The following PPP1R12A variants were observed in gnomAD, a reference collection of about 807,000 sequenced individuals.
PPP1R12A encodes myosin binding subunit.
Under a neutral mutation model 139.6 loss-of-function variants are expected in PPP1R12A, and 19 were observed. The observed-to-expected ratio is 0.14, with a 90% CI of 0.09 to 0.20. The LOEUF is 0.20. Among genes scored for constraint, PPP1R12A ranks in the 10% least tolerant of loss-of-function variants. The probability of loss-of-function intolerance (pLI) is 1.00; values close to 1 mark genes in which losing one functional copy is unlikely to be tolerated. For missense variants in PPP1R12A, 925 were observed against 1,211.5 expected (o/e 0.76, Z 3.51); for synonymous variants, 427 against 420.6 (o/e 1.02, Z -0.19).
intron 2 of PPP1R12A, among the ~76,000 whole-genome samples, chr12:79,857,727 AT>A (rs1212873557): frequency 6.6e-6 from 1 of 152,168 alleles, no homozygotes; most frequent in Non-Finnish European, 1.5e-5. Flanking sequence ...ATTAGAGTTA[AT>A]TGACTTCACA....
chr12:79,874,424 G>A (rs1434049218), intron 1 of PPP1R12A, among the ~76,000 whole-genome samples: 1 of 151,932 alleles, frequency 6.6e-6, no homozygotes, highest in Non-Finnish European at 1.5e-5. Flanking sequence ...TAAATCCTCA[G>A]TTTTAAACTC....
upstream of PPP1R12A, chr12:79,935,274 C>G: frequency 9.2e-7 from 1 of 1,088,160 alleles, no homozygotes; most frequent in Non-Finnish European, 1.1e-6. Flanking sequence ...AGGAAGAGCG[C>G]TCCCGCGAAC....
intron 1 of PPP1R12A, among the ~76,000 whole-genome samples, chr12:79,898,913 A>G (rs1453731716): frequency 6.6e-6 from 1 of 152,188 alleles, no homozygotes; most frequent in South Asian, 2.1e-4. Context: ...TTCCATATAT[A>G]CTATTCCTCT....
At chr12:79,910,248 G>C (rs1479873515) in intron 1 of PPP1R12A, among the ~76,000 whole-genome samples, 1 of 152,014 alleles carries the variant, frequency 6.6e-6, no homozygotes, top group Admixed American at 6.6e-5. Flanking sequence ...AGGAGGATGA[G>C]GTGGGAGGAT....
At chr12:79,914,368 C>G (rs1429577506) in intron 1 of PPP1R12A, among the ~76,000 whole-genome samples, 2 of 151,848 alleles carry the variant, frequency 1.3e-5, no homozygotes, top group Non-Finnish European at 2.9e-5. Flanking sequence ...AGAATATTAA[C>G]ATTGATATAA....
chr12:79,885,486 T>G (rs1884020287), intron 1 of PPP1R12A, among the ~76,000 whole-genome samples: 1 of 152,158 alleles, frequency 6.6e-6, no homozygotes, highest in Non-Finnish European at 1.5e-5. Flanking sequence ...AATATTCCTT[T>G]TAGTGCCACT....
chr12:79,832,162 G>C (rs1877509686), intron 4 of PPP1R12A, among the ~76,000 whole-genome samples, 170 bp downstream of exon 4: 1 of 152,098 alleles, frequency 6.6e-6, no homozygotes, highest in African/African-American at 2.4e-5. Flanking sequence ...AAGAATTTTA[G>C]AACAAAAGCA....
intron 2 of PPP1R12A, among the ~76,000 whole-genome samples, chr12:79,869,038 C>T (rs1429193288): frequency 1.3e-5 from 2 of 152,176 alleles, no homozygotes; most frequent in African/African-American, 2.4e-5. Flanking sequence ...CACAAACTCA[C>T]TTCATTTATT....
At position 79,775,063 on chromosome 12, in the gene PPP1R12A, T is replaced by C. The variant is rs1371281521; in HGVS notation, c.*866A>G. 1.3e-5 allele frequency: 2 copies of C among 152,502 alleles called. No individual in the cohort carries two copies. Among genetic ancestry groups the C allele is most frequent in the African/African-American group, 4.8e-5 (2 of 41,440 alleles). The allele number at this position is 152,502 out of a possible 1,614,324, so 9.4% of individuals were successfully genotyped here. ...AAATAAGAAATAGTCAAGCATGCCA[T>C]GTGGTGGTCTAAAAATCAAAACAAT... On this transcript the variant is annotated 3_prime_UTR_variant, in exon 25 of 25. Coordinates refer to ENST00000450142, the MANE Select transcript of PPP1R12A (RefSeq NM_002480.3).
chr12:79,924,288 T>A (rs972355883), intron 1 of PPP1R12A, among the ~76,000 whole-genome samples: 1 of 152,170 alleles, frequency 6.6e-6, no homozygotes, highest in Non-Finnish European at 1.5e-5. Context: ...GTAGATTCCA[T>A]GTACTTGGAA....
At chr12:79,789,168 G>A (rs1393104681) in intron 20 of PPP1R12A, among the ~76,000 whole-genome samples, 1 of 152,100 alleles carries the variant, frequency 6.6e-6, no homozygotes, top group Non-Finnish European at 1.5e-5. Context: ...CTGGGCTCAA[G>A]CAATTCACAT....
intron 3 of PPP1R12A, 112 bp from the exon 4 acceptor site, chr12:79,832,603 T>C (rs577987471): frequency 4.1e-5 from 48 of 1,166,200 alleles, no homozygotes; most frequent in Middle Eastern, 2.3e-4. Flanking sequence ...TGAAAGTATG[T>C]CTTTTTAAAA....
intron 3 of PPP1R12A, among the ~76,000 whole-genome samples, chr12:79,843,504 G>A (rs762688256): frequency 2.6e-5 from 4 of 151,706 alleles, no homozygotes; most frequent in Non-Finnish European, 4.4e-5. Flanking sequence ...ACTTGAACCC[G>A]AGAGGCAGAG....
At chr12:79,829,897 AAAC>A (rs1375856959) in intron 4 of PPP1R12A, among the ~76,000 whole-genome samples, 2 of 152,162 alleles carry the variant, frequency 1.3e-5, no homozygotes, top group Non-Finnish European at 2.9e-5. Context: ...ACTGGAAGTG[AAAC>A]AACAACCAAC....
rs1230834637 is a variant in PPP1R12A, at chr12:79,865,962, A to C, written c.368+6846T>G. Among the ~76,000 whole-genome samples, 4 of 152,324 alleles carry C rather than the reference A, an allele frequency of 2.6e-5. No homozygotes were observed. In the East Asian group the frequency reaches 7.7e-4, roughly 29 times the overall value. ...CTGAGTTTCTTCACAGAATTGGAAA[A>C]AACTACTTTAAACTTCATATGGAAC... On this transcript the variant is annotated intron_variant, in intron 2 of 24. Coordinates refer to ENST00000450142, the MANE Select transcript of PPP1R12A (RefSeq NM_002480.3).
At chr12:79,829,719 A>G (rs1348955718) in intron 4 of PPP1R12A, among the ~76,000 whole-genome samples, 2 of 152,108 alleles carry the variant, frequency 1.3e-5, no homozygotes, top group African/African-American at 4.8e-5. Context: ...CAGAAACAAT[A>G]CTGGAATGTA....
At chr12:79,808,993 A>G (rs1189660485) in intron 10 of PPP1R12A, among the ~76,000 whole-genome samples, 1 of 152,142 alleles carries the variant, frequency 6.6e-6, no homozygotes, top group Non-Finnish European at 1.5e-5. Flanking sequence ...CAATGCTCTC[A>G]AATACATCAA....
At chr12:79,830,151 G>A (rs541601742) in intron 4 of PPP1R12A, among the ~76,000 whole-genome samples, 10 of 150,812 alleles carry the variant, frequency 6.6e-5, no homozygotes, top group African/African-American at 1.7e-4. Flanking sequence ...CTCTCTCACC[G>A]CTGACTTTTA....
intron 2 of PPP1R12A, among the ~76,000 whole-genome samples, chr12:79,869,903 CTATTATTATTATTAT>C (rs200825139): frequency 6.9e-6 from 1 of 145,440 alleles, no homozygotes. Flanking sequence ...ACTATTGTCT[CTATTATTATTATTAT>C]TATTATTATT....
Sources: allele counts gnomAD v4.1 joint callset (sites outside exome capture counted in the v4.1 genomes callset), GRCh38; gene constraint gnomAD v4.1.1; transcripts MANE v1.5; gene names NCBI Gene and HGNC (gene_info 2026-07-23, HGNC 2026-07-21).